Variants in PRKCE observed in about 807,000 individuals in gnomAD.
PRKCE encodes the protein protein kinase C epsilon type.
A neutral mutation model predicts 85.4 loss-of-function variants in PRKCE; 16 were observed. The ratio of observed to expected loss-of-function variants is 0.19; its 90% confidence interval spans 0.13 to 0.28. The LOEUF is 0.28. PRKCE is among the 10% of genes least tolerant of loss of function. The pLI is 1.00. For synonymous variants in PRKCE, 388 were observed against 371.5 expected (o/e 1.04, Z -0.51); for missense variants, 573 against 975.2 (o/e 0.59, Z 5.49).
At chr2:46,046,535 T>C (rs1267772599) in intron 10 of PRKCE, among the ~76,000 whole-genome samples, 1 of 152,142 alleles carries the variant, frequency 6.6e-6, no homozygotes, top group Non-Finnish European at 1.5e-5. Context: ...CACTTTGGGG[T>C]TTCCTCGATG....
intron 1 of PRKCE, among the ~76,000 whole-genome samples, chr2:45,769,217 G>A (rs1006257061): frequency 6.6e-6 from 1 of 152,118 alleles, no homozygotes; most frequent in African/African-American, 2.4e-5. Flanking sequence ...GTATACTCTT[G>A]ACAAAAGTCT....
chr2:45,953,618 C>G (rs1700776336), intron 2 of PRKCE, among the ~76,000 whole-genome samples: 1 of 152,212 alleles, frequency 6.6e-6, no homozygotes, highest in African/African-American at 2.4e-5. Flanking sequence ...GCGGTTGTCC[C>G]TCGATGCCTC....
intron 1 of PRKCE, among the ~76,000 whole-genome samples, chr2:45,820,762 T>C (rs1057030805): frequency 1.2e-4 from 19 of 152,138 alleles, no homozygotes; most frequent in African/African-American, 3.6e-4. Flanking sequence ...GTTTGGTGCA[T>C]GGTTGTTGCA....
intron 2 of PRKCE, among the ~76,000 whole-genome samples, chr2:45,937,488 G>T (rs185271749): frequency 1.3e-5 from 2 of 152,216 alleles, no homozygotes; most frequent in African/African-American, 2.4e-5. Context: ...TCAGGCGCGC[G>T]GATCACGAGG....
intron 2 of PRKCE, among the ~76,000 whole-genome samples, chr2:45,861,428 A>T (rs1300029229): frequency 6.6e-6 from 1 of 152,228 alleles, no homozygotes; most frequent in Non-Finnish European, 1.5e-5. Context: ...AATGTTTTAC[A>T]ACCCATGTAT....
chr2:45,868,887 G>A (rs888256267), intron 2 of PRKCE, among the ~76,000 whole-genome samples: 6 of 151,596 alleles, frequency 4.0e-5, no homozygotes, highest in African/African-American at 7.3e-5. Context: ...GAATCTGGGA[G>A]GCAGAGGTTG....
chr2:45,712,651 C>T (rs1679763870), intron 1 of PRKCE, among the ~76,000 whole-genome samples: 1 of 152,194 alleles, frequency 6.6e-6, no homozygotes, highest in Admixed American at 6.5e-5. Flanking sequence ...ACCTCTGGGG[C>T]CTGGACAGGC....
chr2:45,723,744 A>G (rs968538356), intron 1 of PRKCE, among the ~76,000 whole-genome samples: 18 of 151,996 alleles, frequency 1.2e-4, no homozygotes, highest in Non-Finnish European at 4.4e-5. Flanking sequence ...AGCTGGGATT[A>G]TGGGCGCCCA....
At chr2:45,881,468 G>C (rs1037791926) in intron 2 of PRKCE, among the ~76,000 whole-genome samples, 1 of 152,088 alleles carries the variant, frequency 6.6e-6, no homozygotes, top group African/African-American at 2.4e-5. Context: ...AAGTACCCAA[G>C]TCAGAAATTT....
intron 1 of PRKCE, among the ~76,000 whole-genome samples, chr2:45,789,106 T>C (rs1158389842): frequency 6.6e-6 from 1 of 152,278 alleles, no homozygotes; most frequent in Admixed American, 6.5e-5. Flanking sequence ...TTAAGACAGA[T>C]GACAGGTTCT....
intron 2 of PRKCE, among the ~76,000 whole-genome samples, chr2:45,968,900 G>A (rs1209205336): frequency 1.3e-5 from 2 of 151,920 alleles, no homozygotes; most frequent in Non-Finnish European, 2.9e-5. Context: ...TTCCTGTGGT[G>A]CAGACTGAGA....
intron 10 of PRKCE, among the ~76,000 whole-genome samples, chr2:46,021,011 C>T (rs150298049): frequency 7.2e-5 from 11 of 152,214 alleles, no homozygotes; most frequent in East Asian, 1.9e-4. Flanking sequence ...CACGATCACA[C>T]GGAGTTAAGT....
Position 46,138,498 on chromosome 2 carries a change from C to T in PRKCE, c.1593-6595C>T, listed in dbSNP as rs1275509959. 6.6e-6 allele frequency among the ~76,000 whole-genome samples: 1 copy of T among 152,166 alleles called. No homozygotes were observed. Among genetic ancestry groups the T allele is most frequent in the Non-Finnish European group, 1.5e-5 (1 of 68,028 alleles). ...GGGTTGGTAGAGTCAGGATTCCCAT[C>T]TCCTAGGAATAAAATGGCAGAGGAT... is the stretch of plus-strand genomic sequence containing the variant. On this transcript the variant is annotated intron_variant, in intron 11 of 14. Coordinates refer to ENST00000306156, the MANE Select transcript of PRKCE (RefSeq NM_005400.3). The surrounding 1 kb of genome is among the most constrained non-coding windows in gnomAD (Gnocchi z 4.2).
At chr2:45,970,206 C>T (rs936755422) in intron 2 of PRKCE, among the ~76,000 whole-genome samples, 8 of 151,992 alleles carry the variant, frequency 5.3e-5, no homozygotes, top group African/African-American at 1.9e-4. Context: ...AGTAGACTTG[C>T]CAATAATGGA....
At chr2:46,177,509 G>T (rs892409216) in intron 14 of PRKCE, among the ~76,000 whole-genome samples, 1 of 151,924 alleles carries the variant, frequency 6.6e-6, no homozygotes, top group South Asian at 2.1e-4. Flanking sequence ...TCACTGGCTC[G>T]TGCCACACAG....
At chr2:45,664,236 A>G (rs566260) in intron 1 of PRKCE, among the ~76,000 whole-genome samples, 119,991 of 152,194 alleles carry the variant, frequency 0.79, 47,624 homozygotes, top group African/African-American at 0.89. Context: ...CCAAGTTCAC[A>G]GATCTAAAAC....
intron 1 of PRKCE, among the ~76,000 whole-genome samples, chr2:45,710,119 G>A (rs774190936): frequency 2.0e-5 from 3 of 152,106 alleles, no homozygotes; most frequent in Non-Finnish European, 4.4e-5. Flanking sequence ...TAATTAACAC[G>A]TCCATAGCAC....
intron 2 of PRKCE, among the ~76,000 whole-genome samples, chr2:45,954,588 C>T (rs1205265135): frequency 1.3e-5 from 2 of 152,166 alleles, no homozygotes; most frequent in Non-Finnish European, 2.9e-5. Context: ...CATATTAACT[C>T]AAGATGCTTG....
chr2:45,745,932 G>A (rs953926269), intron 1 of PRKCE, among the ~76,000 whole-genome samples: 3 of 152,172 alleles, frequency 2.0e-5, no homozygotes, highest in South Asian at 2.1e-4. Flanking sequence ...TATAGATGTC[G>A]TCACAAGCCT....
Sources: gnomAD v4.1 joint callset for allele counts (sites outside exome capture counted in the v4.1 genomes callset) on GRCh38, gnomAD v4.1.1 for gene constraint, Gnocchi (gnomAD v3.1) non-coding constraint, MANE v1.5 for transcripts, NCBI Gene and HGNC (gene_info 2026-07-23, HGNC 2026-07-21) for gene names.